Variants in OSMR observed in about 807,000 individuals in gnomAD.
The protein encoded by OSMR is oncostatin-M-specific receptor subunit beta.
A neutral mutation model predicts 99.9 loss-of-function variants in OSMR; 81 were observed. The observed-to-expected ratio is 0.81, with a 90% CI of 0.68 to 0.97. OSMR has a LOEUF of 0.97. Ranked by LOEUF, OSMR falls within the 50% of genes least tolerant of loss-of-function variation. The probability of loss-of-function intolerance (pLI) is 0.00; values close to 1 mark genes in which losing one functional copy is unlikely to be tolerated. For missense variants in OSMR, 1,099 were observed against 1,153.4 expected, an observed-to-expected ratio of 0.95 and a Z score of 0.68; for synonymous variants, 406 against 410.4, an observed-to-expected ratio of 0.99 and a Z score of 0.13.
Position 38,884,047 on chromosome 5 carries a change from C to A in OSMR, c.639C>A (p.Ile213=), listed in dbSNP as rs764286504. 1.9e-6 allele frequency: 3 copies of A among 1,613,992 alleles called. No homozygotes were observed. The highest frequency in any genetic ancestry group is 2.5e-6 in the Non-Finnish European group (3 of 1,179,886). Residue 213 remains isoleucine (I), a synonymous_variant, in exon 5 of 18, where the codon ATC becomes ATA. Coordinates refer to ENST00000274276, the MANE Select transcript of OSMR (RefSeq NM_003999.3). ...TCATTAGGAATAAAGGGACAAATAT[C>A]TATTGTGAGGCAAGTCAAGGAAATG... ...VPFIRNKGTN[I]YCEASQGNVS... is the part of the protein sequence containing the mutation.
At chr5:38,891,597 A>G (rs1395814386) in intron 7 of OSMR, among the ~76,000 whole-genome samples, 1 of 152,156 alleles carries the variant, frequency 6.6e-6, no homozygotes, top group Admixed American at 6.5e-5. Context: ...GGGAATCCAC[A>G]CTTACACCAT....
intron 7 of OSMR, among the ~76,000 whole-genome samples, chr5:38,887,404 G>A (rs1046722282): frequency 2.6e-5 from 4 of 152,080 alleles, no homozygotes; most frequent in African/African-American, 9.7e-5. Context: ...AAGTGAGATA[G>A]GGTTATGACA....
At chr5:38,899,965 G>A (rs370473068) in intron 7 of OSMR, among the ~76,000 whole-genome samples, 15 of 152,178 alleles carry the variant, frequency 9.9e-5, no homozygotes, top group East Asian at 5.8e-4. Context: ...CTCTAAGCCC[G>A]GCTCAGCACC....
At chr5:38,906,946 G>T (rs1745276015) in intron 9 of OSMR, among the ~76,000 whole-genome samples, 1 of 152,112 alleles carries the variant, frequency 6.6e-6, no homozygotes, top group African/African-American at 2.4e-5. Context: ...TTAATTTCGT[G>T]ACAGTTGCTA....
chr5:38,936,073 GA>G (rs1053478010), downstream of OSMR, among the ~76,000 whole-genome samples: 2 of 152,076 alleles, frequency 1.3e-5, no homozygotes, highest in Non-Finnish European at 1.5e-5. Context: ...CAGAAACTTT[GA>G]AATAATACAT....
At chr5:38,850,603 C>T (rs1468102601) in intron 1 of OSMR, among the ~76,000 whole-genome samples, 1 of 152,064 alleles carries the variant, frequency 6.6e-6, no homozygotes, top group African/African-American at 2.4e-5. Context: ...AAGAAAAGCA[C>T]AATTGTAAGT....
At position 38,898,950 on chromosome 5, in the gene OSMR, C is replaced by CTTTTTTTTTTTTTTTTT. The variant is rs58159819; in HGVS notation, c.992-4924_992-4908dup. Among the ~76,000 whole-genome samples, 17 of 78,290 alleles carry CTTTTTTTTTTTTTTTTT rather than the reference C, an allele frequency of 2.2e-4. 2 individuals carry two copies. The highest frequency in any genetic ancestry group is 9.4e-4 in the African/African-American group (15 of 15,982). 51.4% of individuals were successfully genotyped at this position (78,290 alleles called of 152,430 possible). On this transcript the variant is annotated intron_variant, in intron 7 of 17. Transcript: ENST00000274276. The stretch of plus-strand genomic sequence containing the variant: ...TTTGTTGTTTCTATTTACATAATAT[C>CTTTTTTTTTTTTTTTTT]TTTTTTTTTTTTTTTTTTTTTTTTG...
chr5:38,861,393 A>C (rs1239347), intron 1 of OSMR, among the ~76,000 whole-genome samples: 125,630 of 151,972 alleles, frequency 0.83, 52,417 homozygotes, highest in African/African-American at 0.94. Flanking sequence ...ATCCATTTAA[A>C]CCTGAGTGGA....
rs1182690256 is a variant in OSMR at position 38,944,210 on chromosome 5, A to T, written c.85A>T (p.Lys29Ter). The change falls in exon 2 of 3, where the codon AAA (lysine) becomes TAA (stop). Residue 29 changes from lysine to a stop codon, truncating the protein, a stop_gained and NMD_transcript_variant. Coordinates refer to the OSMR transcript ENST00000508882. Reference sequence around the variant, plus strand: ...TTTACATTTTTTGCAGATCTCTTCAAAAGTCTGGCTTAATAGAAGATAGCT... The same window carrying T: ...TTTACATTTTTTGCAGATCTCTTCATAAGTCTGGCTTAATAGAAGATAGCT... The T allele has an allele frequency of 1.5e-5, 9 of 594,310 alleles. No individual in the cohort carries two copies. In the East Asian group the frequency reaches 3.3e-4, roughly 22 times the overall value. 36.8% of individuals were successfully genotyped at this position (594,310 alleles called of 1,614,324 possible). A position where few individuals can be genotyped will look rare whatever the true frequency, so the allele number is the denominator to read the frequency against.
chr5:38,941,927 C>A, intron 1 of OSMR: 1 of 236,580 alleles, frequency 4.2e-6, no homozygotes, highest in Non-Finnish European at 8.3e-6. Context: ...CCCTAAAAAT[C>A]ATTCAGAAAT....
intron 7 of OSMR, among the ~76,000 whole-genome samples, chr5:38,892,471 C>T (rs1744223322): frequency 1.3e-5 from 2 of 152,110 alleles, no homozygotes; most frequent in South Asian, 4.1e-4. Flanking sequence ...CATCTAGCTC[C>T]CTGGGAACTG....
chr5:38,942,503 C>T (rs2112780134), intron 1 of OSMR: 1 of 495,580 alleles, frequency 2.0e-6, no homozygotes, highest in East Asian at 3.2e-5. Context: ...CAGGATGCAG[C>T]ACAATGTTGC....
chr5:38,921,920 C>T (rs886443334), intron 12 of OSMR, 126 bp downstream of exon 12: 15 of 795,040 alleles, frequency 1.9e-5, no homozygotes, highest in Non-Finnish European at 2.6e-5. Context: ...ACAAATCCAG[C>T]ATGGGTGTTA....
At chr5:38,931,293 T>TA (rs1260746025) in intron 15 of OSMR, among the ~76,000 whole-genome samples, 1 of 152,138 alleles carries the variant, frequency 6.6e-6, no homozygotes, top group Non-Finnish European at 1.5e-5. Context: ...CTCATGGGTT[T>TA]ACAGGTCAGC....
chr5:38,936,518 G>GT (rs1189679346), downstream of OSMR, among the ~76,000 whole-genome samples: 1 of 152,168 alleles, frequency 6.6e-6, no homozygotes. Flanking sequence ...TCACACAACA[G>GT]TACGACTGCT....
At chr5:38,882,940 G>C (rs1051613744) in intron 4 of OSMR, among the ~76,000 whole-genome samples, 3 of 152,156 alleles carry the variant, frequency 2.0e-5, no homozygotes, top group Admixed American at 6.5e-5. Context: ...AGACAGTCTG[G>C]CTCCAGAGGT....
At chr5:38,861,082 A>C (rs1741249903) in intron 1 of OSMR, among the ~76,000 whole-genome samples, 1 of 152,150 alleles carries the variant, frequency 6.6e-6, no homozygotes, top group Non-Finnish European at 1.5e-5. Flanking sequence ...TTGTGGTTTG[A>C]GGAAACACTT....
At chr5:38,876,481 G>A (rs1487430660) in intron 3 of OSMR, 108 bp downstream of exon 3, 1 of 819,712 alleles carries the variant, frequency 1.2e-6, no homozygotes, top group Non-Finnish European at 2.0e-6. Flanking sequence ...TATATTAGCA[G>A]CTCAAAACAG....
chr5:38,878,715 C>T (rs1743025892), intron 3 of OSMR, among the ~76,000 whole-genome samples: 1 of 152,004 alleles, frequency 6.6e-6, no homozygotes, highest in Admixed American at 6.5e-5. Context: ...AAACCTGCCA[C>T]TTCAATAAAT....
Sources: allele counts gnomAD v4.1 joint callset (sites outside exome capture counted in the v4.1 genomes callset), GRCh38; gene constraint gnomAD v4.1.1; transcripts MANE v1.5; gene names NCBI Gene and HGNC (gene_info 2026-07-23, HGNC 2026-07-21).